Variants in MRPL1 observed in about 807,000 individuals in gnomAD.
MRPL1 encodes mitochondrial ribosomal protein L1.
MRPL1 carries 28 observed loss-of-function variants against 38.0 expected under a neutral mutation model. That is an observed-to-expected ratio of 0.74 (90% CI 0.55 to 1.01). The LOEUF is 1.01. MRPL1 is among the 50% of genes least tolerant of loss of function. The pLI is 0.00. For synonymous variants in MRPL1, 123 were observed against 126.7 expected (o/e 0.97, Z 0.20); for missense variants, 358 against 389.8 (o/e 0.92, Z 0.69).
At chr4:77,878,956 G>A (rs763437149) in intron 2 of MRPL1, among the ~76,000 whole-genome samples, 1 of 152,156 alleles carries the variant, frequency 6.6e-6, no homozygotes, top group Non-Finnish European at 1.5e-5. Flanking sequence ...ATGAGACAGG[G>A]GAAAAGTTAT....
At chr4:77,902,178 C>T (rs1461866312) in intron 6 of MRPL1, among the ~76,000 whole-genome samples, 1 of 152,100 alleles carries the variant, frequency 6.6e-6, no homozygotes, top group African/African-American at 2.4e-5. Flanking sequence ...TTGTGGGATG[C>T]AGCTGAAGCA....
rs545184624 is a variant in MRPL1, at chr4:77,867,780, G to A, written c.32-3964G>A. Among the ~76,000 whole-genome samples the A allele has an allele frequency of 5.4e-5, 7 of 130,204 alleles. No individual in the cohort carries two copies. The South Asian group carries it at 1.5e-3, about 27-fold the overall frequency. 85.4% of individuals were successfully genotyped at this position (130,204 alleles called of 152,430 possible). A position where few individuals can be genotyped will look rare whatever the true frequency, so the allele number is the denominator to read the frequency against. ...TTTTTTTTTTTTTTTTTTTTTAGAC[G>A]GAGTCTTGCTCTGTCGACCAGGCTA... On this transcript the variant is annotated intron_variant, in intron 1 of 8. Transcript: ENST00000315567.
intron 4 of MRPL1, among the ~76,000 whole-genome samples, chr4:77,886,612 C>T (rs1236184952): frequency 6.6e-6 from 1 of 151,708 alleles, no homozygotes; most frequent in Non-Finnish European, 1.5e-5. Context: ...AGATTACAGG[C>T]GTGAGCCACC....
chr4:77,872,066 A>G (rs1190009303), intron 2 of MRPL1, among the ~76,000 whole-genome samples: 3 of 152,212 alleles, frequency 2.0e-5, no homozygotes. Flanking sequence ...CTTATTCCCA[A>G]CAGCAACCTT....
At chr4:77,911,778 C>T (rs72869579) in intron 7 of MRPL1, among the ~76,000 whole-genome samples, 2 of 152,038 alleles carry the variant, frequency 1.3e-5, no homozygotes, top group Admixed American at 6.6e-5. Context: ...TTATTTGATA[C>T]CAAAACCAGA....
At chr4:77,867,545 T>C (rs1341429348) in intron 1 of MRPL1, among the ~76,000 whole-genome samples, 1 of 140,732 alleles carries the variant, frequency 7.1e-6, no homozygotes, top group Non-Finnish European at 1.5e-5. Context: ...CTTTTTCTTT[T>C]TCTTTTTCTT....
intron 2 of MRPL1, among the ~76,000 whole-genome samples, chr4:77,877,461 G>T (rs1411455365): frequency 7.9e-6 from 1 of 126,668 alleles, no homozygotes; most frequent in African/African-American, 3.0e-5. Flanking sequence ...TCCTGTTCAT[G>T]CTCAATTTTC....
intron 7 of MRPL1, among the ~76,000 whole-genome samples, chr4:77,925,421 G>A (rs745349786): frequency 2.0e-5 from 3 of 149,044 alleles, no homozygotes; most frequent in East Asian, 2.0e-4. Context: ...GTGTGATCTC[G>A]GCTCACTGCA....
intron 6 of MRPL1, among the ~76,000 whole-genome samples, chr4:77,895,889 C>A (rs959426809): frequency 2.6e-5 from 4 of 152,038 alleles, no homozygotes; most frequent in Non-Finnish European, 5.9e-5. Context: ...TAAAACTGAA[C>A]ATATTTTAAA....
rs755893147 is a variant in MRPL1, at chr4:77,887,211, T to C, written c.487-9T>C. 1.9e-6 allele frequency: 3 copies of C among 1,607,918 alleles called. No homozygotes were observed. Among genetic ancestry groups the C allele is most frequent in the Non-Finnish European group, 2.6e-6 (3 of 1,174,382 alleles). ...AATGATTGATTTTCAAATTATTGTG[T>C]TTTGGTAGAATGCATCAGAGGTCAA... is the stretch of plus-strand genomic sequence containing the variant. On this transcript the variant is annotated splice_polypyrimidine_tract_variant and intron_variant, in intron 4 of 8. Transcript: ENST00000315567.
intron 7 of MRPL1, among the ~76,000 whole-genome samples, chr4:77,936,041 TAA>T (rs1398983582): frequency 1.3e-5 from 2 of 151,998 alleles, no homozygotes; most frequent in African/African-American, 4.8e-5. Flanking sequence ...TAAGAGGTAA[TAA>T]ATGCACATAG....
At chr4:77,876,380 C>A (rs1735398028) in intron 2 of MRPL1, among the ~76,000 whole-genome samples, 1 of 152,112 alleles carries the variant, frequency 6.6e-6, no homozygotes, top group Non-Finnish European at 1.5e-5. Flanking sequence ...CTAATTATTT[C>A]AAGAATATTT....
Position 77,922,300 on chromosome 4 carries a change from G to T in MRPL1, c.777+12928G>T, listed in dbSNP as rs549822978. On this transcript the variant is annotated intron_variant, in intron 7 of 8. Transcript: ENST00000315567. ...GAAGGCGTTACATGCAGAAGAAACA[G>T]CAAATGCAAGGCCTTGACAGTATAT... Among the ~76,000 whole-genome samples, 4 of 152,328 alleles carry T rather than the reference G, an allele frequency of 2.6e-5. No homozygotes were observed. The South Asian group carries it at 8.3e-4, about 32-fold the overall frequency.
chr4:77,901,300 A>T (rs1023899448), intron 6 of MRPL1, among the ~76,000 whole-genome samples: 1 of 152,190 alleles, frequency 6.6e-6, no homozygotes, highest in Non-Finnish European at 1.5e-5. Flanking sequence ...AATAAAAATG[A>T]TATGCTAAAA....
chr4:77,951,657 T>C (rs74395846), intron 8 of MRPL1, among the ~76,000 whole-genome samples: 1 of 152,170 alleles, frequency 6.6e-6, no homozygotes, highest in Non-Finnish European at 1.5e-5. Context: ...AAGAAAAAAA[T>C]AGATTCCTGG....
At chr4:77,918,221 A>G (rs1736469607) in intron 7 of MRPL1, among the ~76,000 whole-genome samples, 1 of 152,208 alleles carries the variant, frequency 6.6e-6, no homozygotes, top group Non-Finnish European at 1.5e-5. Flanking sequence ...GTATTTCAAA[A>G]TAACATGCAT....
chr4:77,942,415 T>G (rs1737157601), intron 7 of MRPL1, among the ~76,000 whole-genome samples: 2 of 152,182 alleles, frequency 1.3e-5, no homozygotes, highest in African/African-American at 4.8e-5. Flanking sequence ...CATTGTTTCT[T>G]TGTTGACTTT....
chr4:77,874,131 C>T (rs974966164), intron 2 of MRPL1, among the ~76,000 whole-genome samples: 3 of 151,374 alleles, frequency 2.0e-5, no homozygotes, highest in Non-Finnish European at 4.4e-5. Flanking sequence ...CCTAAGTAGG[C>T]GCCTGCCACC....
intron 2 of MRPL1, among the ~76,000 whole-genome samples, chr4:77,876,720 AG>A (rs764691787): frequency 1.3e-5 from 2 of 152,166 alleles, no homozygotes; most frequent in Non-Finnish European, 2.9e-5. Context: ...TGAATGGAGT[AG>A]AGGGGCACCT....
Sources: gnomAD v4.1 joint callset for allele counts (sites outside exome capture counted in the v4.1 genomes callset) on GRCh38, gnomAD v4.1.1 for gene constraint, MANE v1.5 for transcripts, NCBI Gene and HGNC (gene_info 2026-07-23, HGNC 2026-07-21) for gene names.